The following CPLANE1 variants were observed in gnomAD, a reference collection of about 807,000 sequenced individuals.
CPLANE1 encodes the protein ciliogenesis and planar polarity effector complex subunit 1.
A neutral mutation model predicts 362.5 loss-of-function variants in CPLANE1; 263 were observed. That is an observed-to-expected ratio of 0.73 (90% CI 0.66 to 0.80). The LOEUF (loss-of-function observed/expected upper bound fraction) is 0.80, where lower values mean the gene tolerates loss of function less well. Among genes scored for constraint, CPLANE1 ranks in the 30% least tolerant of loss-of-function variants. The pLI, the probability that CPLANE1 is intolerant of heterozygous loss-of-function variation, is 0.00. For missense variants in CPLANE1, 3,461 were observed against 3,793.4 expected (o/e 0.91, Z 2.30); for synonymous variants, 1,212 against 1,302.6 (o/e 0.93, Z 1.50).
At position 37,167,212 on chromosome 5, in the gene CPLANE1, C is replaced by A; in HGVS notation, c.7235G>T (p.Cys2412Phe). 1.9e-6 allele frequency: 3 copies of A among 1,606,058 alleles called. No homozygotes were observed. Among genetic ancestry groups the A allele is most frequent in the Admixed American group, 1.7e-5 (1 of 57,844 alleles). The change falls in exon 35 of 53, where the codon TGC (cysteine) becomes TTC (phenylalanine). Residue 2412 changes from cysteine (C) to phenylalanine (F), a missense_variant and splice_region_variant. Around this residue, in one of 2 missense-constraint regions of CPLANE1, gnomAD observed 3,380 missense variants for 3,666.1 expected, o/e 0.92. Coordinates refer to ENST00000651892, the MANE Select transcript of CPLANE1 (RefSeq NM_001384732.1). ...AAGTGGGATAAGTTGTGTTTTTTTG[C>A]ACTACAAGAAAGAAACAAAGCATAA... ...LHSHLSPENRCKKTQLIPLEN... is the reference protein window; with the variant it reads ...LHSHLSPENRFKKTQLIPLEN...
At position 37,193,822 on chromosome 5, in the gene CPLANE1, T is replaced by C. The variant is rs1016578289; in HGVS notation, c.3811+2036A>G. Among the ~76,000 whole-genome samples the C allele has an allele frequency of 7.9e-5, 12 of 151,766 alleles. No homozygotes were observed. In the East Asian group the frequency reaches 2.3e-3, roughly 29 times the overall value. Reference sequence around the variant, plus strand: ...AGCAAGATCATAGCTCACTGCAGCCTAGAAATCCTGGGCGCAAGGAATCCT... The same window carrying C: ...AGCAAGATCATAGCTCACTGCAGCCCAGAAATCCTGGGCGCAAGGAATCCT... On this transcript the variant is annotated intron_variant, in intron 21 of 52. Transcript: ENST00000651892.
rs12652735 is a variant in CPLANE1 at position 37,230,629 on chromosome 5, G to A, written c.1121+238C>T. 0.18 allele frequency among the ~76,000 whole-genome samples: 27,298 copies of A among 151,708 alleles called. 2,889 individuals carry two copies. The highest frequency in any genetic ancestry group is 0.34 in the East Asian group (1,770 of 5,158). On this transcript the variant is annotated intron_variant, in intron 9 of 52. Coordinates refer to ENST00000651892, the MANE Select transcript of CPLANE1 (RefSeq NM_001384732.1). ...TTTATATCAAAGAAGATAATTTTTC[G>A]TGCTATTAAATATTTAAATAACTTA...
At chr5:37,134,868 G>A (rs1767149121) in intron 46 of CPLANE1, among the ~76,000 whole-genome samples, 1 of 145,834 alleles carries the variant, frequency 6.9e-6, no homozygotes, top group Admixed American at 7.1e-5. Flanking sequence ...ATCTTGGCTT[G>A]CCACAACCTC....
intron 38 of CPLANE1, 108 bp from the exon 39 acceptor site, chr5:37,158,453 C>G: frequency 9.1e-7 from 1 of 1,099,842 alleles, no homozygotes; most frequent in Non-Finnish European, 1.3e-6. Context: ...ATAAATTGTA[C>G]TTCTTGAAAT....
the CPLANE1 span, among the ~76,000 whole-genome samples, chr5:37,099,079 A>C: frequency 6.6e-6 from 1 of 152,206 alleles, no homozygotes; most frequent in African/African-American, 2.4e-5. Context: ...TAGACTTAAA[A>C]AAATACAAAG....
intron 29 of CPLANE1, 63 bp downstream of exon 29, chr5:37,179,298 G>T: frequency 9.6e-7 from 1 of 1,038,498 alleles, no homozygotes. Context: ...ATAAAAACAT[G>T]TATAATTTAA....
At chr5:37,165,255 A>G (rs1777931984) in intron 36 of CPLANE1, among the ~76,000 whole-genome samples, 1 of 152,210 alleles carries the variant, frequency 6.6e-6, no homozygotes, top group East Asian at 1.9e-4. Flanking sequence ...ATATATTAAG[A>G]TGTCATAGAA....
At chr5:37,100,507 T>C in the CPLANE1 span, among the ~76,000 whole-genome samples, 1 of 152,246 alleles carries the variant, frequency 6.6e-6, no homozygotes, top group Non-Finnish European at 1.5e-5. Flanking sequence ...TTTTGGTTAC[T>C]GTAGCTTTGT....
At chr5:37,078,672 G>A in the CPLANE1 span, among the ~76,000 whole-genome samples, 6 of 151,472 alleles carry the variant, frequency 4.0e-5, no homozygotes, top group African/African-American at 1.5e-4. Context: ...CAGCAACAGT[G>A]TAAAGGTGTT....
At chr5:37,118,871 G>A (rs995577335) in intron 50 of CPLANE1, among the ~76,000 whole-genome samples, 3 of 151,930 alleles carry the variant, frequency 2.0e-5, no homozygotes, top group Non-Finnish European at 2.9e-5. Flanking sequence ...ACACCACCAC[G>A]CCCAGCTAAT....
chr5:37,222,913 G>A (rs1417311884), intron 14 of CPLANE1, among the ~76,000 whole-genome samples: 5 of 152,102 alleles, frequency 3.3e-5, no homozygotes, highest in East Asian at 1.9e-4. Flanking sequence ...CCTGCAACTG[G>A]CCTTCCACAA....
At chr5:37,229,631 C>T (rs1353264547) in intron 9 of CPLANE1, among the ~76,000 whole-genome samples, 2 of 152,160 alleles carry the variant, frequency 1.3e-5, no homozygotes, top group African/African-American at 2.4e-5. Flanking sequence ...AGATTAATTT[C>T]AAATGTCTTT....
At chr5:37,163,677 A>T (rs1250129317) in intron 37 of CPLANE1, among the ~76,000 whole-genome samples, 1 of 152,244 alleles carries the variant, frequency 6.6e-6, no homozygotes, top group Non-Finnish European at 1.5e-5. Context: ...AGTGTCTGTT[A>T]TTTCTAACGA....
At position 37,173,956 on chromosome 5, in the gene CPLANE1, A is replaced by T. The variant is rs763322098; in HGVS notation, c.5979-9T>A. ...ATGTAGAAATCTGTGCACTGCGTGG[A>T]AAGCATTTAAATAAAAAACATGCAT... On this transcript the variant is annotated splice_polypyrimidine_tract_variant and intron_variant, in intron 31 of 52. Coordinates refer to ENST00000651892, the MANE Select transcript of CPLANE1 (RefSeq NM_001384732.1). The T allele has an allele frequency of 6.2e-7, 1 of 1,603,592 alleles. No individual in the cohort carries two copies. The highest frequency in any genetic ancestry group is 8.5e-7 in the Non-Finnish European group (1 of 1,173,298).
the CPLANE1 span, among the ~76,000 whole-genome samples, chr5:37,084,078 T>C: frequency 6.6e-6 from 1 of 152,210 alleles, no homozygotes; most frequent in Non-Finnish European, 1.5e-5. Context: ...TAACAGCAGA[T>C]TTCTCAGAAG....
chr5:37,180,266 T>C (rs1045350275), intron 27 of CPLANE1, 83 bp from the exon 28 acceptor site: 2 of 916,426 alleles, frequency 2.2e-6, no homozygotes, highest in Admixed American at 7.6e-5. Context: ...TTTTGTTTTT[T>C]TTTTTAAGAT....
At chr5:37,218,018 A>G (rs1794519479) in intron 15 of CPLANE1, among the ~76,000 whole-genome samples, 1 of 152,094 alleles carries the variant, frequency 6.6e-6, no homozygotes, top group Non-Finnish European at 1.5e-5. Flanking sequence ...TAGAAACCCT[A>G]TTTAATAAAA....
At chr5:37,196,652 G>A (rs1255969687) in intron 20 of CPLANE1, among the ~76,000 whole-genome samples, 4 of 152,174 alleles carry the variant, frequency 2.6e-5, no homozygotes, top group South Asian at 2.1e-4. Flanking sequence ...GAGGCCAAGC[G>A]AGGTGGATCA....
At chr5:37,164,152 C>A in intron 37 of CPLANE1, 121 bp downstream of exon 37, 1 of 738,714 alleles carries the variant, frequency 1.4e-6, no homozygotes, top group Non-Finnish European at 2.3e-6. Context: ...GTATAGGAAC[C>A]CTTGAATTTG....
Sources: allele counts gnomAD v4.1 joint callset (sites outside exome capture counted in the v4.1 genomes callset), GRCh38; gene constraint gnomAD v4.1.1; regional missense constraint gnomAD v4.1.1; transcripts MANE v1.5; gene names NCBI Gene and HGNC (gene_info 2026-07-23, HGNC 2026-07-21).